Variants in STK39 observed in about 807,000 individuals in gnomAD.
The protein encoded by STK39 is STE20/SPS1-related proline-alanine-rich protein kinase.
Under a neutral mutation model 77.8 loss-of-function variants are expected in STK39, and 20 were observed. That is an observed-to-expected ratio of 0.26 (90% confidence interval 0.18 to 0.37). STK39 has a LOEUF of 0.37. Ranked by LOEUF, STK39 falls within the 10% of genes least tolerant of loss-of-function variation. The pLI is 1.00. For missense variants in STK39, 479 were observed against 656.5 expected, an observed-to-expected ratio of 0.73 and a Z score of 2.95; for synonymous variants, 246 against 234.1, an observed-to-expected ratio of 1.05 and a Z score of -0.47.
At chr2:168,058,392 C>T (rs1365125186) in intron 14 of STK39, among the ~76,000 whole-genome samples, 1 of 152,184 alleles carries the variant, frequency 6.6e-6, no homozygotes, top group Non-Finnish European at 1.5e-5. Flanking sequence ...ACCTATGCAA[C>T]ATCTGTGACA....
At chr2:168,007,579 A>C (rs975085430) in intron 16 of STK39, among the ~76,000 whole-genome samples, 3 of 152,180 alleles carry the variant, frequency 2.0e-5, no homozygotes, top group Non-Finnish European at 4.4e-5. Flanking sequence ...CAAAATAAGA[A>C]AGAGGGTAGA....
At chr2:168,046,878 C>G (rs1360714160) in intron 14 of STK39, among the ~76,000 whole-genome samples, 2 of 152,046 alleles carry the variant, frequency 1.3e-5, no homozygotes, top group African/African-American at 2.4e-5. Flanking sequence ...TGGCCTAATG[C>G]CAAAGATGCC....
At chr2:168,167,255 G>A in intron 3 of STK39, 44 bp downstream of exon 3, 1 of 1,513,182 alleles carries the variant, frequency 6.6e-7, no homozygotes, top group Non-Finnish European at 9.2e-7. Context: ...CCAACAAAAG[G>A]AGAGAAAACA....
chr2:168,050,685 C>T (rs576736309), intron 14 of STK39, among the ~76,000 whole-genome samples: 2 of 152,172 alleles, frequency 1.3e-5, no homozygotes, highest in African/African-American at 2.4e-5. Context: ...CCAAGGGCCT[C>T]CAGAAAGGAA....
chr2:167,978,411 G>T (rs1683335825), intron 16 of STK39, among the ~76,000 whole-genome samples: 1 of 152,134 alleles, frequency 6.6e-6, no homozygotes, highest in African/African-American at 2.4e-5. Context: ...TTAAAGGTTA[G>T]AAGCAAGATG....
At chr2:168,221,593 C>T (rs1309041546) in intron 1 of STK39, among the ~76,000 whole-genome samples, 3 of 152,160 alleles carry the variant, frequency 2.0e-5, no homozygotes, top group Non-Finnish European at 2.9e-5. Flanking sequence ...AACAGTACAA[C>T]TATATAACAT....
At chr2:168,172,125 A>G (rs1277731312) in intron 2 of STK39, among the ~76,000 whole-genome samples, 2 of 152,190 alleles carry the variant, frequency 1.3e-5, no homozygotes, top group Non-Finnish European at 2.9e-5. Context: ...GGGAAATGAG[A>G]TGTATAAAAC....
intron 12 of STK39, among the ~76,000 whole-genome samples, chr2:168,069,207 C>A (rs749731439): frequency 6.6e-6 from 1 of 152,138 alleles, no homozygotes; most frequent in Non-Finnish European, 1.5e-5. Flanking sequence ...TGAGCCACTG[C>A]GCCTGACCCA....
intron 1 of STK39, among the ~76,000 whole-genome samples, chr2:168,233,706 G>T (rs896004271): frequency 1.3e-5 from 2 of 152,148 alleles, no homozygotes; most frequent in African/African-American, 4.8e-5. Flanking sequence ...CCTAATTAGG[G>T]TTAATTTCAG....
chr2:168,146,115 A>G (rs936606167), intron 5 of STK39, among the ~76,000 whole-genome samples: 1 of 152,248 alleles, frequency 6.6e-6, no homozygotes, highest in Non-Finnish European at 1.5e-5. Flanking sequence ...GGATAAAGCA[A>G]AAACTGCATC....
At chr2:168,124,524 C>T (rs760557652) in intron 10 of STK39, among the ~76,000 whole-genome samples, 10 of 152,058 alleles carry the variant, frequency 6.6e-5, no homozygotes, top group African/African-American at 1.4e-4. Flanking sequence ...CTCAGCCTCC[C>T]GAGTAGCTGG....
At chr2:168,138,927 TA>T (rs934750333) in intron 7 of STK39, among the ~76,000 whole-genome samples, 5 of 151,234 alleles carry the variant, frequency 3.3e-5, no homozygotes, top group African/African-American at 4.9e-5. Flanking sequence ...GTATTTGCTT[TA>T]AAAAAAAAGT....
At chr2:168,236,483 T>C (rs915333352) in intron 1 of STK39, among the ~76,000 whole-genome samples, 30 of 152,350 alleles carry the variant, frequency 2.0e-4, no homozygotes, top group Non-Finnish European at 4.0e-4. Flanking sequence ...ATTTTGGCTT[T>C]TGTTGCCATT....
chr2:168,238,290 C>T (rs561464928), intron 1 of STK39, among the ~76,000 whole-genome samples: 1 of 152,266 alleles, frequency 6.6e-6, no homozygotes, highest in South Asian at 2.1e-4. Flanking sequence ...TACTTTCCAT[C>T]TAGTTTTTTC....
intron 10 of STK39, among the ~76,000 whole-genome samples, chr2:168,078,530 C>G (rs560408061): frequency 1.3e-5 from 2 of 152,230 alleles, no homozygotes; most frequent in South Asian, 4.1e-4. Context: ...CCCCATGCAA[C>G]TCAAAGAAGG....
At chr2:168,055,230 C>G (rs760470019) in intron 14 of STK39, among the ~76,000 whole-genome samples, 8 of 152,128 alleles carry the variant, frequency 5.3e-5, no homozygotes, top group Non-Finnish European at 1.0e-4. Flanking sequence ...GGCTAGAGAA[C>G]AGTTTAAGAA....
intron 2 of STK39, among the ~76,000 whole-genome samples, chr2:168,170,269 A>G (rs756564686): frequency 6.6e-6 from 1 of 152,198 alleles, no homozygotes; most frequent in Non-Finnish European, 1.5e-5. Context: ...TAATGCCCTA[A>G]CCGCATTCAT....
chr2:168,048,377 T>C (rs1201711123), intron 14 of STK39, among the ~76,000 whole-genome samples: 1 of 152,098 alleles, frequency 6.6e-6, no homozygotes, highest in African/African-American at 2.4e-5. Flanking sequence ...CACGCCTGGC[T>C]AATTTTTTGT....
chr2:168,124,668 G>C (rs1446242219), intron 10 of STK39, among the ~76,000 whole-genome samples: 3 of 152,096 alleles, frequency 2.0e-5, no homozygotes, highest in African/African-American at 7.2e-5. Context: ...CAAAGTGCTG[G>C]GATTACAGGT....
Sources: gnomAD v4.1 joint callset for allele counts (sites outside exome capture counted in the v4.1 genomes callset) on GRCh38, gnomAD v4.1.1 for gene constraint, MANE v1.5 for transcripts, NCBI Gene and HGNC (gene_info 2026-07-23, HGNC 2026-07-21) for gene names.